Variants in BORCS7 observed in about 807,000 individuals in gnomAD.
BORCS7 encodes the protein BLOC-1 related complex subunit 7.
In BORCS7, 20 loss-of-function variants were observed where a neutral mutation model predicts 17.5. The ratio of observed to expected loss-of-function variants is 1.14; its 90% CI spans 0.80 to 1.66. The LOEUF (loss-of-function observed/expected upper bound fraction) is 1.66. Ranked by LOEUF, BORCS7 falls within the 40% of genes most tolerant of loss-of-function variation. The pLI, the probability that BORCS7 is intolerant of heterozygous loss-of-function variation, is 0.00. For missense variants in BORCS7, 122 were observed against 129.7 expected (o/e 0.94, Z 0.29); for synonymous variants, 57 against 49.8 (o/e 1.14, Z -0.61).
chr10:102,860,266 C>T, intron 1 of BORCS7, 66 bp from the exon 2 acceptor site: 2 of 1,396,688 alleles, frequency 1.4e-6, no homozygotes, highest in Non-Finnish European at 2.0e-6. Context: ...AGTGTAACAG[C>T]TGCAGAGAGA....
chr10:102,861,720 AAAAAAAAC>A (rs1844523830), intron 3 of BORCS7, among the ~76,000 whole-genome samples: 1 of 151,576 alleles, frequency 6.6e-6, no homozygotes, highest in South Asian at 2.1e-4. Flanking sequence ...TCTGTCTCAA[AAAAAAAAC>A]AAAAAAACAA....
chr10:102,859,481 T>C (rs1844481691), intron 1 of BORCS7, among the ~76,000 whole-genome samples: 1 of 151,772 alleles, frequency 6.6e-6, no homozygotes, highest in South Asian at 2.1e-4. Context: ...TGGTCATCTT[T>C]TATGGGGTGG....
At chr10:102,855,699 C>T (rs1464815275) in intron 1 of BORCS7, among the ~76,000 whole-genome samples, 2 of 152,074 alleles carry the variant, frequency 1.3e-5, no homozygotes, top group Admixed American at 1.3e-4. Context: ...GGTGGTAAAT[C>T]CTGTGAAGCA....
chr10:102,854,687 C>T (rs1810032330), intron 1 of BORCS7, among the ~76,000 whole-genome samples: 2 of 151,332 alleles, frequency 1.3e-5, no homozygotes, highest in South Asian at 4.2e-4. Context: ...CCGAGGCGGG[C>T]GGATCACCTG....
intron 4 of BORCS7, among the ~76,000 whole-genome samples, chr10:102,862,652 T>C (rs954536213): frequency 2.6e-5 from 4 of 152,182 alleles, no homozygotes; most frequent in African/African-American, 9.7e-5. Flanking sequence ...AAAGTACAGA[T>C]AGCTTGTACA....
Position 102,860,527 on chromosome 10 carries a change from A to C in BORCS7, c.234A>C (p.Thr78=). The C allele has an allele frequency of 6.2e-7, 1 of 1,613,036 alleles. No individual in the cohort carries two copies. The highest frequency in any genetic ancestry group is 1.1e-5 in the South Asian group (1 of 91,056). ...TAAGGAAGATGGCAATAATAACAAC[A>C]CATCTTCAATACCAGTGAGTATGCC... ...DSLRKMAIIT[T]HLQYQQEAIQ... is the part of the protein sequence containing the mutation. The change falls in exon 3 of 5, where the codon ACA becomes ACC. Residue 78 remains threonine (T), a synonymous_variant. Coordinates refer to ENST00000339834, the MANE Select transcript of BORCS7 (RefSeq NM_001136200.2).
intron 1 of BORCS7, among the ~76,000 whole-genome samples, chr10:102,855,827 C>T (rs1343202253): frequency 6.6e-6 from 1 of 152,092 alleles, no homozygotes; most frequent in Non-Finnish European, 1.5e-5. Context: ...GTGGCCCGAT[C>T]TCGGGCTCAC....
chr10:102,862,897 G>C lies in BORCS7; in HGVS notation c.294G>C (p.Gln98His). 1 of 1,611,148 alleles carries C rather than the reference G, an allele frequency of 6.2e-7. No homozygotes were observed. Among genetic ancestry groups the C allele is most frequent in the Non-Finnish European group, 8.5e-7 (1 of 1,177,250 alleles). Residue 98 changes from glutamine to histidine, a missense_variant, in exon 5 of 5, where the codon CAG becomes CAC. Physicochemically the swap from Gln to His is conservative, Grantham distance 24. Transcript: ENST00000339834. Reference sequence around the variant, plus strand: ...GTGTTGAACAGTCATCGGATCTACAGGACCAGTTGAATCATCTGTTGAAAT... The same window carrying C: ...GTGTTGAACAGTCATCGGATCTACACGACCAGTTGAATCATCTGTTGAAAT... ...QKNVEQSSDL[Q>H]DQLNHLLK
chr10:102,860,708 A>G (rs1844503416), intron 3 of BORCS7, 167 bp downstream of exon 3: 1 of 685,758 alleles, frequency 1.5e-6, no homozygotes. Flanking sequence ...ACTACAGAAG[A>G]AGTGGGGGTA....
chr10:102,862,242 C>T, intron 4 of BORCS7, 62 bp downstream of exon 4: 6 of 1,500,298 alleles, frequency 4.0e-6, no homozygotes, highest in Middle Eastern at 3.4e-4. Context: ...GGGATTTATA[C>T]TGCTGGGTCC....
At chr10:102,861,548 C>G (rs1844520730) in intron 3 of BORCS7, among the ~76,000 whole-genome samples, 1 of 151,840 alleles carries the variant, frequency 6.6e-6, no homozygotes, top group African/African-American at 2.4e-5. Context: ...AAAACCCCGT[C>G]TCTACTAAAA....
intron 1 of BORCS7, among the ~76,000 whole-genome samples, chr10:102,858,368 G>T (rs1322564475): frequency 2.0e-5 from 3 of 152,028 alleles, no homozygotes; most frequent in Non-Finnish European, 4.4e-5. Flanking sequence ...TTATGCATGG[G>T]GCTGGGTGTA....
In BORCS7 at chr10:102,860,405, A is replaced by G; in HGVS notation, c.204+11A>G. ...TTGCACTCAGAAGATGTAAGAAACA[A>G]CTTTTTTTTTTAATGATTTGGGTTT... On this transcript the variant is annotated intron_variant, in intron 2 of 4. Transcript: ENST00000339834. The G allele has an allele frequency of 6.2e-7, 1 of 1,611,804 alleles. No individual in the cohort carries two copies. The highest frequency in any genetic ancestry group is 8.5e-7 in the Non-Finnish European group (1 of 1,178,540).
chr10:102,861,696 C>T (rs908261444), intron 3 of BORCS7, among the ~76,000 whole-genome samples: 6 of 150,706 alleles, frequency 4.0e-5, no homozygotes, highest in African/African-American at 9.8e-5. Flanking sequence ...TGCATCCTGG[C>T]GACAGAGTGA....
At position 102,864,595 on chromosome 10, in the gene BORCS7, T is replaced by C. The variant is rs533107831; in HGVS notation, c.*1671T>C. 3 of 152,236 alleles carry C rather than the reference T, an allele frequency of 2.0e-5. No homozygotes were observed. In the East Asian group the frequency reaches 5.8e-4, roughly 29 times the overall value. 9.4% of individuals were successfully genotyped at this position (152,236 alleles called of 1,614,324 possible). A position where few individuals can be genotyped will look rare whatever the true frequency, so the allele number is the denominator to read the frequency against. ...TGTGATAAAATAATACCTTTCACAA[T>C]CAAAATTTTAATAGTAAATATAAGA... On this transcript the variant is annotated 3_prime_UTR_variant, in exon 5 of 5. Coordinates refer to ENST00000339834, the MANE Select transcript of BORCS7 (RefSeq NM_001136200.2).
chr10:102,860,207 G>A, intron 1 of BORCS7, 125 bp from the exon 2 acceptor site: 1 of 734,938 alleles, frequency 1.4e-6, no homozygotes. Flanking sequence ...TACATTTTGA[G>A]TGTTTGTGGT....
chr10:102,862,627 C>A (rs568375594), intron 4 of BORCS7, among the ~76,000 whole-genome samples: 1 of 152,138 alleles, frequency 6.6e-6, no homozygotes, highest in East Asian at 1.9e-4. Flanking sequence ...TTACATGCAA[C>A]AGTATTTATG....
intron 1 of BORCS7, among the ~76,000 whole-genome samples, chr10:102,856,822 A>G (rs1208884683): frequency 6.6e-6 from 1 of 152,232 alleles, no homozygotes; most frequent in African/African-American, 2.4e-5. Flanking sequence ...TTTACATTAC[A>G]ACAGCCCCTG....
Position 102,863,663 on chromosome 10 carries a change from A to C in BORCS7, c.*739A>C, listed in dbSNP as rs922856331. On this transcript the variant is annotated 3_prime_UTR_variant, in exon 5 of 5. Transcript: ENST00000339834. Reference sequence around the variant, plus strand: ...TTTTTCTCTTAATCATTATTAAGGAAATATTTTAATTTCATGGTCATATAA... The same window carrying C: ...TTTTTCTCTTAATCATTATTAAGGACATATTTTAATTTCATGGTCATATAA... 1.3e-5 allele frequency: 2 copies of C among 152,216 alleles called. No homozygotes were observed. The highest frequency in any genetic ancestry group is 2.4e-5 in the African/African-American group (1 of 41,448). 9.4% of individuals were successfully genotyped at this position (152,216 alleles called of 1,614,324 possible).
Sources: gnomAD v4.1 joint callset for allele counts (sites outside exome capture counted in the v4.1 genomes callset) on GRCh38, gnomAD v4.1.1 for gene constraint, MANE v1.5 for transcripts, NCBI Gene and HGNC (gene_info 2026-07-23, HGNC 2026-07-21) for gene names.